IRAK3: variants seen among roughly 807,000 people sequenced by gnomAD.
IRAK3 encodes the protein interleukin-1 receptor-associated kinase 3.
A neutral mutation model predicts 56.6 loss-of-function variants in IRAK3; 57 were observed. That is an observed-to-expected ratio of 1.01 (90% CI 0.81 to 1.26). IRAK3 has a LOEUF of 1.26. Among genes scored for constraint, IRAK3 ranks in the 50% most tolerant of loss-of-function variants. IRAK3 has a pLI of 0.00. For missense variants in IRAK3, 703 were observed against 719.0 expected (o/e 0.98, Z 0.25); for synonymous variants, 258 against 255.7 (o/e 1.01, Z -0.09).
chr12:66,230,938 T>C (rs1245894214), intron 8 of IRAK3, among the ~76,000 whole-genome samples: 1 of 152,246 alleles, frequency 6.6e-6, no homozygotes, highest in Non-Finnish European at 1.5e-5. Context: ...TCTCTAAGCC[T>C]CAATCTTCCT....
chr12:66,210,158 T>C lies in IRAK3; in HGVS notation c.393T>C (p.Asn131=). 6.3e-7 allele frequency: 1 copy of C among 1,597,830 alleles called. No homozygotes were observed. Among genetic ancestry groups the C allele is most frequent in the Non-Finnish European group, 8.6e-7 (1 of 1,165,256 alleles). The change falls in exon 4 of 12, where the codon AAT becomes AAC. Residue 131 remains asparagine (N), a synonymous_variant. Transcript: ENST00000261233. ...ATTTCTTCTCTTAGGAAACAGCCAA[T>C]GTCACCGTGGATAATGTTCTTATTC... ...FPNILFKETA[N]VTVDNVLIPE... is the part of the protein sequence containing the mutation.
At chr12:66,224,099 G>A (rs1352433249) in intron 6 of IRAK3, among the ~76,000 whole-genome samples, 2 of 152,000 alleles carry the variant, frequency 1.3e-5, no homozygotes, top group East Asian at 3.9e-4. Context: ...CTATTCCTGG[G>A]GTACCATTTT....
chr12:66,192,472 C>T (rs2052408449), intron 1 of IRAK3, among the ~76,000 whole-genome samples: 1 of 152,056 alleles, frequency 6.6e-6, no homozygotes, highest in Non-Finnish European at 1.5e-5. Flanking sequence ...ATTACATTAC[C>T]ATAGATTGGT....
In IRAK3 at chr12:66,248,052, A is replaced by G. The variant is rs1423694757; in HGVS notation, c.1672A>G (p.Lys558Glu). 6.3e-7 allele frequency: 1 copy of G among 1,585,862 alleles called. No homozygotes were observed. The highest frequency in any genetic ancestry group is 2.2e-5 in the East Asian group (1 of 44,730). The change falls in exon 12 of 12, where the codon AAG becomes GAG. Residue 558 changes from lysine to glutamate, a missense_variant. Lys to Glu is a moderately conservative substitution (Grantham distance 56). Transcript: ENST00000261233. ...IVPSQDLRPYKVNIDPSSEAP... is the reference protein window; with the variant it reads ...IVPSQDLRPYEVNIDPSSEAP... The stretch of plus-strand genomic sequence containing the variant: ...TCCATCCCAGGACTTAAGGCCCTAT[A>G]AGGTAAATATAGATCCTTCTTCAGA...
At chr12:66,202,762 C>G (rs2052521136) in intron 1 of IRAK3, among the ~76,000 whole-genome samples, 2 of 151,462 alleles carry the variant, frequency 1.3e-5, no homozygotes, top group Non-Finnish European at 2.9e-5. Flanking sequence ...CTGAGATTGC[C>G]CCACTGTGCT....
rs929137554 is a variant in IRAK3, at chr12:66,212,628, AAG to A, written c.588+1034_588+1035del. ...AAAACAAAAGATTAAACTGTTGTAAAAGAGGTACTTTAGCGAGAATTGTACAA... is the reference window on the plus strand; with the variant it reads ...AAAACAAAAGATTAAACTGTTGTAAAAGGTACTTTAGCGAGAATTGTACAA... On this transcript the variant is annotated intron_variant, in intron 5 of 11. Coordinates refer to ENST00000261233, the MANE Select transcript of IRAK3 (RefSeq NM_007199.3). Among the ~76,000 whole-genome samples the A allele has an allele frequency of 6.6e-5, 10 of 152,238 alleles. No individual in the cohort carries two copies. In the East Asian group the frequency reaches 7.7e-4, roughly 12 times the overall value.
At chr12:66,202,390 C>T (rs1441515870) in intron 1 of IRAK3, among the ~76,000 whole-genome samples, 4 of 151,988 alleles carry the variant, frequency 2.6e-5, no homozygotes, top group Non-Finnish European at 4.4e-5. Context: ...AATTCCAGTC[C>T]TGGAAAGGGG....
chr12:66,251,921 G>A lies in IRAK3; in HGVS notation c.*3750G>A, dbSNP rs2053103717. Reference sequence around the variant, plus strand: ...ATGCAACCGAAGTAAATGCTGAAAGGGTGAGAAGAAGGAATAGATTACTAT... The same window carrying A: ...ATGCAACCGAAGTAAATGCTGAAAGAGTGAGAAGAAGGAATAGATTACTAT... On this transcript the variant is annotated 3_prime_UTR_variant, in exon 12 of 12. Transcript: ENST00000261233. The A allele has an allele frequency of 6.6e-6, 1 of 152,162 alleles. No homozygotes were observed. The highest frequency in any genetic ancestry group is 1.5e-5 in the Non-Finnish European group (1 of 68,040). 9.4% of individuals were successfully genotyped at this position (152,162 alleles called of 1,614,324 possible).
At chr12:66,233,979 T>TA in intron 8 of IRAK3, 2 of 1,406,806 alleles carry the variant, frequency 1.4e-6, no homozygotes, top group South Asian at 2.5e-5. Context: ...AAATTGTCAA[T>TA]AATTTCCTAA....
In IRAK3 at chr12:66,212,574, C is replaced by T. The variant is rs143394764; in HGVS notation, c.588+977C>T. The stretch of plus-strand genomic sequence containing the variant: ...AAGGCATAGTTCTGTCCTCAAGGAG[C>T]TCACAGTCTCTCTGGTGAAATAGCC... On this transcript the variant is annotated intron_variant, in intron 5 of 11. Coordinates refer to ENST00000261233, the MANE Select transcript of IRAK3 (RefSeq NM_007199.3). 3.2e-4 allele frequency among the ~76,000 whole-genome samples: 48 copies of T among 152,290 alleles called. No individual in the cohort carries two copies. The South Asian group carries it at 5.2e-3, about 16-fold the overall frequency.
chr12:66,193,287 AC>A, intron 1 of IRAK3, among the ~76,000 whole-genome samples: 1 of 152,232 alleles, frequency 6.6e-6, no homozygotes, highest in South Asian at 2.1e-4. Context: ...TGCTGGGATT[AC>A]AGGCGTGAGC....
intron 7 of IRAK3, among the ~76,000 whole-genome samples, chr12:66,227,242 A>G (rs1592594166): frequency 6.6e-6 from 1 of 152,346 alleles, no homozygotes; most frequent in East Asian, 1.9e-4. Flanking sequence ...GCAGTGACAC[A>G]GACTCTAAAG....
chr12:66,210,813 T>A (rs1160920166), intron 4 of IRAK3, among the ~76,000 whole-genome samples: 1 of 152,168 alleles, frequency 6.6e-6, no homozygotes, highest in East Asian at 1.9e-4. Context: ...AATCAAACAT[T>A]AAGTGTCTTC....
chr12:66,193,131 C>T (rs2052414934), intron 1 of IRAK3, among the ~76,000 whole-genome samples: 1 of 152,020 alleles, frequency 6.6e-6, no homozygotes, highest in Admixed American at 6.5e-5. Flanking sequence ...TCTCAGCCTC[C>T]CGAGTAGCTG....
At chr12:66,210,293 T>C (rs901916273) in intron 4 of IRAK3, 92 bp downstream of exon 4, 33 of 721,518 alleles carry the variant, frequency 4.6e-5, no homozygotes, top group Non-Finnish European at 4.2e-5. Flanking sequence ...ATAAACACAA[T>C]AATCATTTAT....
chr12:66,235,281 A>G, intron 8 of IRAK3: 19 of 1,495,776 alleles, frequency 1.3e-5, no homozygotes, highest in Non-Finnish European at 1.7e-5. Context: ...CTGCTGGGGA[A>G]GATCATCGCT....
intron 4 of IRAK3, 63 bp from the exon 5 acceptor site, chr12:66,211,383 T>G: frequency 8.0e-7 from 1 of 1,252,538 alleles, no homozygotes; most frequent in South Asian, 1.2e-5. Context: ...ATATAGAAAT[T>G]TTGGTTATAA....
chr12:66,231,089 C>A (rs2052839442), intron 8 of IRAK3, among the ~76,000 whole-genome samples: 1 of 152,182 alleles, frequency 6.6e-6, no homozygotes. Flanking sequence ...GGCACAGTGA[C>A]AGAGGCCAAG....
intron 6 of IRAK3, among the ~76,000 whole-genome samples, chr12:66,221,849 T>C (rs953715346): frequency 9.9e-5 from 15 of 152,126 alleles, no homozygotes; most frequent in African/African-American, 3.6e-4. Flanking sequence ...GCCAACATGA[T>C]GAAACCCCAT....
Sources: allele counts gnomAD v4.1 joint callset (sites outside exome capture counted in the v4.1 genomes callset), GRCh38; gene constraint gnomAD v4.1.1; transcripts MANE v1.5; gene names NCBI Gene and HGNC (gene_info 2026-07-23, HGNC 2026-07-21).